The following CYP3A43 variants were observed in gnomAD, a reference collection of about 807,000 sequenced individuals.
CYP3A43 encodes the protein cytochrome P450 3A43.
A neutral mutation model predicts 58.0 loss-of-function variants in CYP3A43; 45 were observed. The ratio of observed to expected loss-of-function variants is 0.78; its 90% CI spans 0.61 to 0.99. The LOEUF is 0.99. Ranked by LOEUF, CYP3A43 falls within the 50% of genes least tolerant of loss-of-function variation. CYP3A43 has a pLI of 0.00. For missense variants in CYP3A43, 593 were observed against 591.9 expected (o/e 1.00, Z -0.02); for synonymous variants, 191 against 201.4 (o/e 0.95, Z 0.44).
At chr7:99,853,660 T>G (rs523265) in intron 7 of CYP3A43, among the ~76,000 whole-genome samples, 92,091 of 152,042 alleles carry the variant, frequency 0.61, 29,913 homozygotes, top group African/African-American at 0.85. Flanking sequence ...GGGGTCAAGC[T>G]ATTCTCCTGC....
chr7:99,865,950 AC>A lies in CYP3A43; in HGVS notation c.1463del (p.Pro488LeufsTer4), dbSNP rs746338218. On this transcript the variant is annotated frameshift_variant, in exon 13 of 13. Transcript: ENST00000354829. LOFTEE classifies it low-confidence loss of function (END_TRUNC). ...ATCTACCAATTCTTCAACCAGAAAA[AC>A]CTATTGTTCTAAAAGTGCACTTAAG... ...DNLPILQPEK[P>X]IVLKVHLRDG... 3.4e-5 allele frequency: 55 copies of A among 1,608,816 alleles called. No homozygotes were observed. Among genetic ancestry groups the A allele is most frequent in the South Asian group, 1.2e-4 (11 of 89,582 alleles).
intron 6 of CYP3A43, 122 bp from the exon 7 acceptor site, chr7:99,849,424 T>G: frequency 3.5e-6 from 4 of 1,128,970 alleles, no homozygotes; most frequent in Admixed American, 2.7e-5. Flanking sequence ...ATGCAGCAGA[T>G]TGTTCTGATT....
chr7:99,844,658 CTT>C (rs1167331209), intron 4 of CYP3A43, among the ~76,000 whole-genome samples: 1 of 151,768 alleles, frequency 6.6e-6, no homozygotes, highest in African/African-American at 2.4e-5. Context: ...GTAGAGAAAA[CTT>C]TTTTTTTATT....
At position 99,859,941 on chromosome 7, in the gene CYP3A43, A is replaced by T; in HGVS notation, c.977A>T (p.Asp326Val). The T allele has an allele frequency of 6.2e-7, 1 of 1,613,386 alleles. No individual in the cohort carries two copies. Among genetic ancestry groups the T allele is most frequent in the Non-Finnish European group, 8.5e-7 (1 of 1,179,676 alleles). Residue 326 changes from aspartate (D) to valine (V), a missense_variant, in exon 10 of 13, where the codon GAT becomes GTT. Transcript: ENST00000354829. Reference protein sequence around the residue: ...FIMYELATHPDVQQKLQEEID... With the variant: ...FIMYELATHPVVQQKLQEEID... ...ATGTATGAACTGGCCACTCACCCTG[A>T]TGTCCAGCAGAAACTGCAGGAGGAG... is the stretch of plus-strand genomic sequence containing the variant.
intron 7 of CYP3A43, among the ~76,000 whole-genome samples, chr7:99,853,846 G>T (rs146935349): frequency 1.3e-5 from 2 of 152,150 alleles, no homozygotes; most frequent in African/African-American, 2.4e-5. Flanking sequence ...GTGAGCCACC[G>T]CGCCCAGCCT....
intron 3 of CYP3A43, 34 bp from the exon 4 acceptor site, chr7:99,844,109 C>T (rs767649684): frequency 1.3e-5 from 20 of 1,547,928 alleles, no homozygotes; most frequent in East Asian, 9.0e-5. Flanking sequence ...ATCAGGCAAG[C>T]GAGGTTTAGT....
At chr7:99,839,862 G>C (rs138809493) in intron 3 of CYP3A43, among the ~76,000 whole-genome samples, 1 of 152,296 alleles carries the variant, frequency 6.6e-6, no homozygotes, top group East Asian at 1.9e-4. Context: ...TTAGGACTAG[G>C]TGTACTGTTT....
intron 11 of CYP3A43, 96 bp from the exon 12 acceptor site, chr7:99,863,441 C>A (rs1818320095): frequency 1.9e-6 from 2 of 1,034,354 alleles, no homozygotes; most frequent in Admixed American, 3.0e-5. Flanking sequence ...CCAAGGAGGT[C>A]CTCGCCTCCC....
In CYP3A43 at chr7:99,863,585, T is replaced by C; in HGVS notation, c.1302T>C (p.Pro434=). 1 of 1,614,004 alleles carries C rather than the reference T, an allele frequency of 6.2e-7. No homozygotes were observed. The highest frequency in any genetic ancestry group is 8.5e-7 in the Non-Finnish European group (1 of 1,179,928). ...GCATAGATCTTTACAGATACATACC[T>C]TTTGGAGCTGGACCCCGAAACTGCA... The part of the protein sequence containing the change: ...KDSIDLYRYI[P]FGAGPRNCIG... The change falls in exon 12 of 13, where the codon CCT becomes CCC. Residue 434 remains proline, a synonymous_variant. Transcript: ENST00000354829.
intron 10 of CYP3A43, among the ~76,000 whole-genome samples, chr7:99,860,658 T>C (rs950442484): frequency 3.3e-5 from 5 of 152,194 alleles, no homozygotes; most frequent in Non-Finnish European, 5.9e-5. Context: ...GGAATGTTCA[T>C]CTAAGTTCAT....
chr7:99,839,704 A>G (rs1479500711), intron 3 of CYP3A43, among the ~76,000 whole-genome samples: 2 of 152,144 alleles, frequency 1.3e-5, no homozygotes, highest in East Asian at 3.8e-4. Flanking sequence ...TCTCCTGCCG[A>G]GAGAGGGGGC....
chr7:99,841,708 T>A (rs1817340246), intron 3 of CYP3A43, among the ~76,000 whole-genome samples: 1 of 152,200 alleles, frequency 6.6e-6, no homozygotes, highest in Non-Finnish European at 1.5e-5. Context: ...ACACATTTTT[T>A]TTAATTGAGA....
intron 1 of CYP3A43, among the ~76,000 whole-genome samples, chr7:99,834,856 G>A (rs2151590716): frequency 1.3e-5 from 2 of 152,328 alleles, no homozygotes; most frequent in South Asian, 4.1e-4. Context: ...GTTAAGCGAA[G>A]TGAAGTTATT....
intron 12 of CYP3A43, among the ~76,000 whole-genome samples, chr7:99,864,662 A>G (rs184223041): frequency 1.3e-5 from 2 of 148,854 alleles, no homozygotes. Flanking sequence ...TTCTTTCATA[A>G]AAGTCCAATA....
intron 3 of CYP3A43, among the ~76,000 whole-genome samples, chr7:99,840,553 C>T (rs572174296): frequency 7.9e-5 from 12 of 152,324 alleles, no homozygotes; most frequent in South Asian, 2.1e-4. Context: ...TGTCTTTTCA[C>T]ATGTAAAGTG....
chr7:99,830,187 A>G (rs1163676152), intron 1 of CYP3A43, among the ~76,000 whole-genome samples: 2 of 152,136 alleles, frequency 1.3e-5, no homozygotes, highest in Admixed American at 1.3e-4. Flanking sequence ...AAAAAAAGCA[A>G]TGGTCTTGAG....
At chr7:99,855,838 A>G in intron 8 of CYP3A43, 120 bp downstream of exon 8, 1 of 1,156,160 alleles carries the variant, frequency 8.6e-7, no homozygotes, top group African/African-American at 1.6e-5. Flanking sequence ...CTTTAGACCA[A>G]GAGGGTTTTT....
intron 1 of CYP3A43, among the ~76,000 whole-genome samples, chr7:99,829,725 A>G (rs1293385864): frequency 6.6e-6 from 1 of 152,116 alleles, no homozygotes; most frequent in Non-Finnish European, 1.5e-5. Context: ...TGGTAGAATG[A>G]CCTCTTATTA....
chr7:99,855,798 T>G, intron 8 of CYP3A43, 80 bp downstream of exon 8: 23 of 1,409,338 alleles, frequency 1.6e-5, no homozygotes, highest in African/African-American at 2.9e-5. Context: ...TTTGTGCACT[T>G]ATCTGTGTTT....
Sources: allele counts gnomAD v4.1 joint callset (sites outside exome capture counted in the v4.1 genomes callset), GRCh38; gene constraint gnomAD v4.1.1; transcripts MANE v1.5; gene names NCBI Gene and HGNC (gene_info 2026-07-23, HGNC 2026-07-21).